The following ZNF564 variants were observed in gnomAD, a reference collection of about 807,000 sequenced individuals.
The protein encoded by ZNF564 is zinc finger protein 564.
A neutral mutation model predicts 10.5 loss-of-function variants in ZNF564; 5 were observed. That is an observed-to-expected ratio of 0.48 (90% confidence interval 0.25 to 1.00). The LOEUF (loss-of-function observed/expected upper bound fraction) is 1.00, where lower values mean the gene tolerates loss of function less well. Among genes scored for constraint, ZNF564 ranks in the 50% least tolerant of loss-of-function variants. The probability of loss-of-function intolerance (pLI) is 0.16; values close to 1 mark genes in which losing one functional copy is unlikely to be tolerated. For missense variants in ZNF564, 603 were observed against 669.7 expected, an observed-to-expected ratio of 0.90 and a Z score of 1.10; for synonymous variants, 242 against 218.1, an observed-to-expected ratio of 1.11 and a Z score of -0.97.
At chr19:12,533,187 C>T (rs751822274) in intron 1 of ZNF564, among the ~76,000 whole-genome samples, 3 of 152,150 alleles carry the variant, frequency 2.0e-5, no homozygotes, top group Non-Finnish European at 4.4e-5. Context: ...AGTCATTCAT[C>T]TAGAAATCAA....
chr19:12,548,840 T>C (rs538196087), intron 1 of ZNF564: 23 of 702,812 alleles, frequency 3.3e-5, no homozygotes, highest in Non-Finnish European at 5.5e-5. Flanking sequence ...AGAACAGTTA[T>C]CCATTACGAC....
chr19:12,548,800 T>C (rs2022200370), intron 1 of ZNF564: 1 of 702,760 alleles, frequency 1.4e-6, no homozygotes, highest in African/African-American at 1.7e-5. Context: ...GGATTTAGCA[T>C]TAATCACCAA....
intron 1 of ZNF564, among the ~76,000 whole-genome samples, chr19:12,545,738 T>C (rs1038513356): frequency 6.6e-6 from 1 of 151,138 alleles, no homozygotes; most frequent in South Asian, 2.1e-4. Context: ...GAAAGGGGGG[T>C]GGATATAGGC....
At chr19:12,548,702 G>A (rs1362287714) in intron 1 of ZNF564, 2 of 682,722 alleles carry the variant, frequency 2.9e-6, no homozygotes, top group Non-Finnish European at 5.3e-6. Context: ...TCAGACAATA[G>A]AGACCTCACA....
Position 12,526,491 on chromosome 19 carries a change from C to T in ZNF564, c.1617G>A (p.Lys539=), listed in dbSNP as rs754106146. 1.9e-6 allele frequency: 3 copies of T among 1,607,734 alleles called. No homozygotes were observed. The highest frequency in any genetic ancestry group is 1.7e-4 in the Middle Eastern group (1 of 6,018). Residue 539 remains lysine (K), a synonymous_variant, in exon 4 of 4, where the codon AAG becomes AAA. Transcript: ENST00000339282. ...GDKPYVKNVG[K]LSFITQPSNT... ...TCGAAGGTTGTGTGATAAATGAAAG[C>T]TTTCCCACATTCTTTACGTAAGGTT...
At chr19:12,548,870 G>A (rs2022201816) in intron 1 of ZNF564, 1 of 702,746 alleles carries the variant, frequency 1.4e-6, no homozygotes, top group Non-Finnish European at 2.6e-6. Flanking sequence ...ACCCTGCAAA[G>A]GAGAAGATAT....
intron 1 of ZNF564, among the ~76,000 whole-genome samples, chr19:12,542,116 C>A (rs2022064673): frequency 6.6e-6 from 1 of 151,390 alleles, no homozygotes; most frequent in Admixed American, 6.6e-5. Context: ...CAAGACCAGC[C>A]TGGCCAACAC....
In ZNF564 at chr19:12,526,712, T is replaced by C; in HGVS notation, c.1396A>G (p.Thr466Ala). ...KAFDCPSSVR[T>A]HERTHTGEKP... ...TCTCCAGTATGAGTTCTTTCATGTG[T>C]TCGGACAGAACTAGGACAGTCAAAG... The change falls in exon 4 of 4, where the codon ACA becomes GCA. Residue 466 changes from threonine (T) to alanine (A), a missense_variant. By Grantham distance (58) the Thr-to-Ala change is moderately conservative. Coordinates refer to ENST00000339282, the MANE Select transcript of ZNF564 (RefSeq NM_144976.4). 1.2e-6 allele frequency: 2 copies of C among 1,614,242 alleles called. No individual in the cohort carries two copies. The highest frequency in any genetic ancestry group is 3.3e-5 in the Admixed American group (2 of 60,028).
At chr19:12,531,443 T>C (rs1336107455) in intron 1 of ZNF564, among the ~76,000 whole-genome samples, 1 of 151,972 alleles carries the variant, frequency 6.6e-6, no homozygotes, top group East Asian at 1.9e-4. Context: ...GACGCGCACC[T>C]GTTACCCCAG....
At chr19:12,535,052 C>CTTT (rs2021882713) in intron 1 of ZNF564, among the ~76,000 whole-genome samples, 1 of 151,934 alleles carries the variant, frequency 6.6e-6, no homozygotes, top group African/African-American at 2.4e-5. Flanking sequence ...AGATATCAAG[C>CTTT]CATGATAAGA....
In ZNF564 at chr19:12,527,293, T is replaced by C; in HGVS notation, c.815A>G (p.Glu272Gly). ...GGGTTTCTCTCCAGTATGAGTTCTTTCATGTATTCGAAATAAACTGGGGCG... is the reference window on the plus strand; with the variant it reads ...GGGTTTCTCTCCAGTATGAGTTCTTCCATGTATTCGAAATAAACTGGGGCG... ...FDRPSLFRIH[E>G]RTHTGEKPHE... is the part of the protein sequence containing the mutation. Residue 272 changes from glutamate (E) to glycine (G), a missense_variant, in exon 4 of 4, where the codon GAA becomes GGA. Glu to Gly is a moderately conservative substitution (Grantham distance 98, BLOSUM62 -2). Transcript: ENST00000339282. 6.2e-7 allele frequency: 1 copy of C among 1,614,030 alleles called. No homozygotes were observed. The highest frequency in any genetic ancestry group is 8.5e-7 in the Non-Finnish European group (1 of 1,179,994).
chr19:12,541,415 T>TA (rs2022047424), intron 1 of ZNF564: 1 of 151,812 alleles, frequency 6.6e-6, no homozygotes, highest in South Asian at 2.1e-4. Context: ...CTCGGCGTGG[T>TA]AGAACGCACC....
Position 12,551,418 on chromosome 19 carries a change from G to A in ZNF564, c.-86C>T. 1 of 1,466,572 alleles carries A rather than the reference G, an allele frequency of 6.8e-7. No homozygotes were observed. The allele number at this position is 1,466,572 out of a possible 1,614,324, so 90.8% of individuals were successfully genotyped here. On this transcript the variant is annotated 5_prime_UTR_variant, in exon 1 of 4. Coordinates refer to ENST00000339282, the MANE Select transcript of ZNF564 (RefSeq NM_144976.4). ...CCAGCGCGCCAGACGCTGCGGTGGA[G>A]CCACCGGGGCCACTGGAGAAGCGGA...
At chr19:12,529,946 T>C (rs1277872463) in intron 1 of ZNF564, 1 of 138,890 alleles carries the variant, frequency 7.2e-6, no homozygotes, top group Non-Finnish European at 1.5e-5. Flanking sequence ...ATTGTGCCAC[T>C]GCACTCCAGC....
In ZNF564 at chr19:12,526,623, A is replaced by C; in HGVS notation, c.1485T>G (p.His495Gln). Residue 495 changes from histidine to glutamine, a missense_variant, in exon 4 of 4, where the codon CAT becomes CAG. By Grantham distance (24) the His-to-Gln change is conservative. Coordinates refer to ENST00000339282, the MANE Select transcript of ZNF564 (RefSeq NM_144976.4). ...AFNYASSIRI[H>Q]ERTHTGEKPY... ...GTTTTTCTCCGGTATGAGTTCTTTC[A>C]TGTATTCTAATGGAACTGGCATAAT... The C allele has an allele frequency of 1.9e-6, 3 of 1,614,040 alleles. No homozygotes were observed. Among genetic ancestry groups the C allele is most frequent in the Non-Finnish European group, 2.5e-6 (3 of 1,180,016 alleles).
chr19:12,537,738 C>CAAA (rs56173239), intron 1 of ZNF564, among the ~76,000 whole-genome samples: 2 of 114,536 alleles, frequency 1.7e-5, no homozygotes, highest in African/African-American at 3.8e-5. Flanking sequence ...AACTCCGTCT[C>CAAA]AAAAAAAAAA....
chr19:12,538,765 C>T (rs1375986174), intron 1 of ZNF564, among the ~76,000 whole-genome samples: 5 of 151,610 alleles, frequency 3.3e-5, no homozygotes, highest in Admixed American at 6.6e-5. Flanking sequence ...GCTATGATTG[C>T]GCCACTACAC....
At chr19:12,529,605 C>CA (rs34144625) in intron 1 of ZNF564, among the ~76,000 whole-genome samples, 52 of 147,124 alleles carry the variant, frequency 3.5e-4, no homozygotes, top group Non-Finnish European at 3.4e-4. Context: ...GACTAAGTCT[C>CA]AAAAAAAAAA....
chr19:12,544,883 CCA>C (rs780435616), intron 1 of ZNF564, among the ~76,000 whole-genome samples: 2 of 152,132 alleles, frequency 1.3e-5, no homozygotes, highest in Non-Finnish European at 2.9e-5. Context: ...CCTGTTTCAC[CCA>C]CAGTCACAAG....
Sources: gnomAD v4.1 joint callset for allele counts (sites outside exome capture counted in the v4.1 genomes callset) on GRCh38, gnomAD v4.1.1 for gene constraint, MANE v1.5 for transcripts, NCBI Gene and HGNC (gene_info 2026-07-23, HGNC 2026-07-21) for gene names.